MYH14: variants seen among roughly 807,000 people sequenced by gnomAD.
MYH14 encodes myosin-14.
In MYH14, 123 loss-of-function variants were observed where a neutral mutation model predicts 255.5. That is an observed-to-expected ratio of 0.48 (90% CI 0.42 to 0.56). The LOEUF is 0.56. MYH14 is among the 20% of genes least tolerant of loss of function. The pLI is 0.00. For missense variants in MYH14, 2,423 were observed against 2,802.3 expected, an observed-to-expected ratio of 0.86 and a Z score of 3.06; for synonymous variants, 1,095 against 1,161.2, an observed-to-expected ratio of 0.94 and a Z score of 1.16.
Position 50,252,771 on chromosome 19 carries a change from C to T in MYH14, c.1945+18C>T. 1.3e-6 allele frequency: 2 copies of T among 1,528,940 alleles called. No homozygotes were observed. The allele number at this position is 1,528,940 out of a possible 1,614,324, so 94.7% of individuals were successfully genotyped here. A position where few individuals can be genotyped will look rare whatever the true frequency, so the allele number is the denominator to read the frequency against. ...GAAAGACGGTGAGGACCCACTTCCC[C>T]CACCCCGGCTCTAGGGGTCTGTGCG... On this transcript the variant is annotated intron_variant, in intron 16 of 42. Transcript: ENST00000642316. The surrounding 1 kb of genome is among the most constrained non-coding windows in gnomAD (Gnocchi z 4.2).
At chr19:50,301,121 G>A (rs991864410) in intron 39 of MYH14, among the ~76,000 whole-genome samples, 2 of 152,320 alleles carry the variant, frequency 1.3e-5, no homozygotes, top group Non-Finnish European at 2.9e-5. Context: ...ATTATTAGGG[G>A]TGTGTTTACA....
Position 50,225,623 on chromosome 19 carries a change from C to T in MYH14, c.756C>T (p.Ile252=), listed in dbSNP as rs1352850133. ...GGCAGCTGCTTCAGGCCAACCCCAT[C>T]CTAGAGGCCTTTGGCAATGCCAAGA... ...LERQLLQANP[I]LEAFGNAKTV... Residue 252 remains isoleucine, a synonymous_variant, in exon 7 of 43, where the codon ATC becomes ATT. Coordinates refer to ENST00000642316, the MANE Select transcript of MYH14 (RefSeq NM_001145809.2). 2.5e-6 allele frequency: 4 copies of T among 1,613,800 alleles called. No homozygotes were observed. The highest frequency in any genetic ancestry group is 3.4e-6 in the Non-Finnish European group (4 of 1,179,908).
intron 12 of MYH14, among the ~76,000 whole-genome samples, chr19:50,248,175 G>A (rs2034209948): frequency 6.6e-6 from 1 of 152,146 alleles, no homozygotes; most frequent in Non-Finnish European, 1.5e-5. Context: ...TCAGCAAGGG[G>A]CAGATCATGC....
At chr19:50,209,182 T>C (rs1438767653) in intron 1 of MYH14, among the ~76,000 whole-genome samples, 1 of 152,050 alleles carries the variant, frequency 6.6e-6, no homozygotes, top group Non-Finnish European at 1.5e-5. Flanking sequence ...TAGATTGAAT[T>C]TAAATGAATG....
chr19:50,285,767 C>T (rs2035870274), intron 33 of MYH14: 1 of 152,076 alleles, frequency 6.6e-6, no homozygotes, highest in South Asian at 2.1e-4. Context: ...GTTAAAGTTC[C>T]ATTAATTTCT....
chr19:50,250,474 G>T lies in MYH14; in HGVS notation c.1657-41G>T, dbSNP rs73061141. The stretch of plus-strand genomic sequence containing the variant: ...CAGCAGCCACCTGAGTGTCCAATAT[G>T]TGGGGATCTGACTTACTCTCCCCCT... On this transcript the variant is annotated intron_variant, in intron 14 of 42. Transcript: ENST00000642316. This position sits in a 1 kb window ranked among gnomAD's most constrained non-coding sequence, Gnocchi z 5.4. 0.066 allele frequency: 105,094 copies of T among 1,587,416 alleles called. 4,424 individuals are homozygous for T. Among genetic ancestry groups the T allele is most frequent in the Admixed American group, 0.18 (10,338 of 57,034 alleles).
chr19:50,282,742 G>T (rs2035768220), intron 33 of MYH14, among the ~76,000 whole-genome samples: 1 of 151,954 alleles, frequency 6.6e-6, no homozygotes, highest in Admixed American at 6.6e-5. Flanking sequence ...TTTTTAAATT[G>T]TCATTTCCCT....
intron 39 of MYH14, among the ~76,000 whole-genome samples, chr19:50,301,327 A>C (rs982095738): frequency 8.5e-5 from 13 of 152,214 alleles, no homozygotes; most frequent in Non-Finnish European, 1.8e-4. Flanking sequence ...TGGTGCAAAC[A>C]AAAGTGTGAT....
rs1484666413 is a variant in MYH14, at chr19:50,230,002, C to T, written c.875-523C>T. 2.0e-5 allele frequency among the ~76,000 whole-genome samples: 3 copies of T among 152,166 alleles called. No individual in the cohort carries two copies. Among genetic ancestry groups the T allele is most frequent in the Non-Finnish European group, 2.9e-5 (2 of 68,022 alleles). ...CAATCTCGGCTCACTGCAACCTCCT[C>T]CTCCCGGGTTCAAGCGATTCTCCTG... is the stretch of plus-strand genomic sequence containing the variant. On this transcript the variant is annotated intron_variant, in intron 8 of 42. Coordinates refer to ENST00000642316, the MANE Select transcript of MYH14 (RefSeq NM_001145809.2). The surrounding 1 kb of genome is among the most constrained non-coding windows in gnomAD (Gnocchi z 4.7).
rs772570358 is a variant in MYH14 at position 50,259,162 on chromosome 19, C to G, written c.2251C>G (p.Arg751Gly). Residue 751 changes from arginine (R) to glycine (G), a missense_variant, in exon 19 of 43, where the codon CGG becomes GGG. Arg to Gly is a moderately radical substitution (Grantham distance 125). Transcript: ENST00000642316. ...HEKRAGKLEP[R>G]LVLDQLRCNG... ...TCCCCAGGCCGGGAAGCTGGAGCCA[C>G]GGCTGGTGCTGGACCAGCTTCGCTG... 6.4e-7 allele frequency: 1 copy of G among 1,558,480 alleles called. No individual in the cohort carries two copies. The highest frequency in any genetic ancestry group is 8.7e-7 in the Non-Finnish European group (1 of 1,150,916).
At chr19:50,265,418 C>T (rs1007271669) in intron 22 of MYH14, among the ~76,000 whole-genome samples, 9 of 151,364 alleles carry the variant, frequency 5.9e-5, no homozygotes, top group East Asian at 3.9e-4. Flanking sequence ...CTACTTGGGA[C>T]GAAGGATTGC....
intron 10 of MYH14, among the ~76,000 whole-genome samples, chr19:50,239,012 A>T (rs974784472): frequency 2.0e-5 from 3 of 152,080 alleles, no homozygotes; most frequent in African/African-American, 7.2e-5. Flanking sequence ...CCTCCAAAAA[A>T]AAACAAAAAA....
chr19:50,291,577 T>A (rs916624579), intron 36 of MYH14, among the ~76,000 whole-genome samples: 1 of 152,098 alleles, frequency 6.6e-6, no homozygotes. Flanking sequence ...TACCATATGG[T>A]TTTTTGGCCA....
intron 40 of MYH14, among the ~76,000 whole-genome samples, chr19:50,306,702 G>T (rs2036664698): frequency 6.6e-6 from 1 of 152,202 alleles, no homozygotes; most frequent in African/African-American, 2.4e-5. Context: ...GTGAGAGATA[G>T]TAAATGATTT....
chr19:50,284,838 T>C (rs1403893235), intron 33 of MYH14: 2 of 152,028 alleles, frequency 1.3e-5, no homozygotes, highest in Admixed American at 1.3e-4. Context: ...AACACTGCTC[T>C]CCACTGACTT....
intron 36 of MYH14, 89 bp downstream of exon 36, chr19:50,291,137 C>G: frequency 5.2e-6 from 7 of 1,339,392 alleles, no homozygotes; most frequent in African/African-American, 1.5e-5. Flanking sequence ...AGCTCGGACC[C>G]CTCGCTCTCA....
intron 39 of MYH14, among the ~76,000 whole-genome samples, chr19:50,296,984 T>TGTTTG (rs35580414): frequency 0.025 from 3,767 of 151,682 alleles, 121 homozygotes; most frequent in South Asian, 0.069. Context: ...CTCTGTTTTT[T>TGTTTG]TTTGTTTGTT....
chr19:50,284,726 A>T (rs570723662), intron 33 of MYH14: 131 of 151,168 alleles, frequency 8.7e-4, no homozygotes, highest in African/African-American at 3.0e-3. Context: ...TTCCAGTTTC[A>T]AGTTTACATT....
At chr19:50,246,877 C>T in intron 11 of MYH14, 127 bp from the exon 12 acceptor site, 1 of 647,178 alleles carries the variant, frequency 1.5e-6, no homozygotes, top group Non-Finnish European at 2.7e-6. Context: ...CTCGTAATGC[C>T]TCTCCTGGGA....
Sources: gnomAD v4.1 joint callset for allele counts (sites outside exome capture counted in the v4.1 genomes callset) on GRCh38, gnomAD v4.1.1 for gene constraint, Gnocchi (gnomAD v3.1) non-coding constraint, MANE v1.5 for transcripts, NCBI Gene and HGNC (gene_info 2026-07-23, HGNC 2026-07-21) for gene names.